PRMT5: variants seen among roughly 807,000 people sequenced by gnomAD.
The protein encoded by PRMT5 is protein arginine methyltransferase 5.
Under a neutral mutation model 84.0 loss-of-function variants are expected in PRMT5, and 15 were observed. The ratio of observed to expected loss-of-function variants is 0.18; its 90% CI spans 0.12 to 0.28. The LOEUF is 0.28. Among genes scored for constraint, PRMT5 ranks in the 10% least tolerant of loss-of-function variants. PRMT5 has a pLI of 1.00. For missense variants in PRMT5, 486 were observed against 808.0 expected (o/e 0.60, Z 4.83); for synonymous variants, 276 against 292.4 (o/e 0.94, Z 0.57).
intron 13 of PRMT5, 98 bp from the exon 14 acceptor site, chr14:22,922,933 C>T: frequency 7.2e-7 from 1 of 1,397,476 alleles, no homozygotes; most frequent in South Asian, 1.2e-5. Context: ...AGTGCTTCCC[C>T]AATCCCTAAC....
At position 22,922,553 on chromosome 14, in the gene PRMT5, A is replaced by G; in HGVS notation, c.1586T>C (p.Met529Thr). 1.9e-6 allele frequency: 3 copies of G among 1,612,088 alleles called. No individual in the cohort carries two copies. The highest frequency in any genetic ancestry group is 2.5e-6 in the Non-Finnish European group (3 of 1,178,132). ...GGTGCAATAGCGGTTGTTGTCAATC[A>G]TAGGATCTGTCAGGAAATAATTATG... is the stretch of plus-strand genomic sequence containing the variant. ...FTFSHPNRDP[M>T]IDNNRYCTLE... The change falls in exon 15 of 17, where the codon ATG (methionine) becomes ACG (threonine). Residue 529 changes from methionine to threonine, a missense_variant. By Grantham distance (81) the Met-to-Thr change is moderately conservative (BLOSUM62 -1). This residue lies in a region of PRMT5 where 219 missense variants were observed against 433.6 expected (regional missense o/e 0.51). Transcript: ENST00000324366.
chr14:22,926,331 C>A, intron 6 of PRMT5, 35 bp from the exon 7 acceptor site: 1 of 1,609,374 alleles, frequency 6.2e-7, no homozygotes, highest in Non-Finnish European at 8.5e-7. Context: ...TCAACCACTG[C>A]CAGGCAAGAA....
chr14:22,923,420 G>T lies in PRMT5; in HGVS notation c.1376-260C>A. 1 of 310,826 alleles carries T rather than the reference G, an allele frequency of 3.2e-6. No homozygotes were observed. 19.3% of individuals were successfully genotyped at this position (310,826 alleles called of 1,614,324 possible). On this transcript the variant is annotated intron_variant, in intron 12 of 16. Coordinates refer to ENST00000324366, the MANE Select transcript of PRMT5 (RefSeq NM_006109.5). This position sits in a 1 kb window ranked among gnomAD's most constrained non-coding sequence, Gnocchi z 5.2. ...AGAACCCAAGATAGTCTAATCTGGTGGTTCTTAACTTTTGTGGGGTCACAA... is the reference window on the plus strand; with the variant it reads ...AGAACCCAAGATAGTCTAATCTGGTTGTTCTTAACTTTTGTGGGGTCACAA...
rs1354141083 is a variant in PRMT5, at chr14:22,923,092, T to C, written c.1444A>G (p.Asn482Asp). 3.7e-6 allele frequency: 6 copies of C among 1,613,516 alleles called. No homozygotes were observed. The highest frequency in any genetic ancestry group is 2.2e-5 in the South Asian group (2 of 90,980). The change falls in exon 13 of 17, where the codon AAT (asparagine) becomes GAT (aspartate). Residue 482 changes from asparagine (N) to aspartate (D), a missense_variant. This residue lies in a region of PRMT5 where 219 missense variants were observed against 433.6 expected (regional missense o/e 0.51). Transcript: ENST00000324366. This position sits in a 1 kb window ranked among gnomAD's most constrained non-coding sequence, Gnocchi z 5.2. The part of the protein sequence containing the change: ...LAPISSSKLY[N>D]EVRACREKDR... ...TTCTCCCTACAGGCTCGGACCTCAT[T>C]GTACAGCTTGGAGGAAGAGATGGGA...
Position 22,927,277 on chromosome 14 carries a change from G to T in PRMT5, c.450+249C>A, listed in dbSNP as rs150519062. On this transcript the variant is annotated intron_variant, in intron 4 of 16. Transcript: ENST00000324366. Reference sequence around the variant, plus strand: ...ATTTGTGTTTTTTTGTTTTTGTTTTGGTTTTGGTTTTTTATACAGACAGGA... The same window carrying T: ...ATTTGTGTTTTTTTGTTTTTGTTTTTGTTTTGGTTTTTTATACAGACAGGA... 5.3e-5 allele frequency among the ~76,000 whole-genome samples: 8 copies of T among 151,498 alleles called. No homozygotes were observed. In the South Asian group the frequency reaches 1.3e-3, roughly 24 times the overall value.
rs749416572 is a variant in PRMT5, at chr14:22,926,540, C to T, written c.579G>A (p.Arg193=). The change falls in exon 6 of 17, where the codon CGG becomes CGA. Residue 193 remains arginine, a synonymous_variant. Coordinates refer to ENST00000324366, the MANE Select transcript of PRMT5 (RefSeq NM_006109.5). ...EKTWMWWHNF[R]TLCDYSKRIA... is the part of the protein sequence containing the mutation. The stretch of plus-strand genomic sequence containing the variant: ...TCCTCTTACTATAGTCACACAAAGT[C>T]CGGAAGTTGTGCCACCTGTTCAGTC... 8.1e-6 allele frequency: 13 copies of T among 1,614,152 alleles called. No individual in the cohort carries two copies. In the East Asian group the frequency reaches 2.9e-4, roughly 36 times the overall value.
Position 22,926,733 on chromosome 14 carries a change from CCT to C in PRMT5, c.530_531del (p.Glu177GlyfsTer20). The C allele has an allele frequency of 6.2e-7, 1 of 1,614,150 alleles. No individual in the cohort carries two copies. On this transcript the variant is annotated frameshift_variant, in exon 5 of 17. Coordinates refer to ENST00000324366, the MANE Select transcript of PRMT5 (RefSeq NM_006109.5). LOFTEE classifies it high-confidence loss of function. ...IIENAPTTHT[E>X]EYSGEEKTWM... ...CACGTTTTCTCCTCCCCACTGTACT[CCT>C]CTGTGTGTGTAGTTGGTGCATTCTC...
rs1468607876 is a variant in PRMT5 at position 22,928,654 on chromosome 14, A to G, written c.111-39T>C. On this transcript the variant is annotated intron_variant, in intron 1 of 16. Coordinates refer to ENST00000324366, the MANE Select transcript of PRMT5 (RefSeq NM_006109.5). The surrounding 1 kb of genome is among the most constrained non-coding windows in gnomAD (Gnocchi z 4.8). ...AGACCCAGAATCATGTAAAGACAGC[A>G]GCAGTGCCAGAGAGCCAAGCAACTG... The G allele has an allele frequency of 1.4e-6, 2 of 1,478,410 alleles. No individual in the cohort carries two copies. 91.6% of individuals were successfully genotyped at this position (1,478,410 alleles called of 1,614,324 possible). A position where few individuals can be genotyped will look rare whatever the true frequency, so the allele number is the denominator to read the frequency against.
intron 13 of PRMT5, 53 bp downstream of exon 13, chr14:22,922,998 A>G: frequency 6.8e-7 from 1 of 1,478,116 alleles, no homozygotes; most frequent in Non-Finnish European, 9.3e-7. Context: ...CAAATACAGA[A>G]AAAGAAGAGG....
chr14:22,925,033 A>G lies in PRMT5; in HGVS notation c.785T>C (p.Val262Ala). The G allele has an allele frequency of 6.2e-7, 1 of 1,613,610 alleles. No individual in the cohort carries two copies. Among genetic ancestry groups the G allele is most frequent in the South Asian group, 1.1e-5 (1 of 91,014 alleles). Residue 262 changes from valine (V) to alanine (A), a missense_variant, in exon 8 of 17, where the codon GTG (valine) becomes GCG (alanine). Physicochemically the swap from Val to Ala is moderately conservative, Grantham distance 64 (BLOSUM62 0). Around this residue, in one of 4 missense-constraint regions of PRMT5, gnomAD observed 215 missense variants for 301.1 expected, o/e 0.71. Transcript: ENST00000324366. ...GTTGGTGCCTGTGATGATGAACTGC[A>G]CCTCCAACTGTGAGAAAAGTCAGAC... Reference protein sequence around the residue: ...RLIFRLLKLEVQFIITGTNHH... With the variant: ...RLIFRLLKLEAQFIITGTNHH...
rs2044358796 is a variant in PRMT5, at chr14:22,923,865, GC to G, written c.1375+142del. 2.2e-5 allele frequency: 20 copies of G among 893,256 alleles called. No individual in the cohort carries two copies. Among genetic ancestry groups the G allele is most frequent in the Non-Finnish European group, 3.3e-5 (20 of 598,166 alleles). 55.3% of individuals were successfully genotyped at this position (893,256 alleles called of 1,614,324 possible). Reference sequence around the variant, plus strand: ...GGAGAGATGACTTCATTTGCTAGGGGCACAGAGGCAGTGAAGCAGTGGCTCT... The same window carrying G: ...GGAGAGATGACTTCATTTGCTAGGGGACAGAGGCAGTGAAGCAGTGGCTCT... On this transcript the variant is annotated intron_variant, in intron 12 of 16. Transcript: ENST00000324366. This position sits in a 1 kb window ranked among gnomAD's most constrained non-coding sequence, Gnocchi z 5.2.
intron 16 of PRMT5, 157 bp from the exon 17 acceptor site, chr14:22,921,213 TGTG>T: frequency 1.1e-6 from 1 of 900,384 alleles, no homozygotes; most frequent in African/African-American, 1.7e-5. Context: ...TAATCAAAGG[TGTG>T]GTGAGAGCTG....
At position 22,922,435 on chromosome 14, in the gene PRMT5, A is replaced by G. The variant is rs763452775; in HGVS notation, c.1696+8T>C. ...CATACTCTGCCATCTACTGCCATAG[A>G]CACTCACTCAGAGTGATGTCCTGAT... On this transcript the variant is annotated splice_region_variant and intron_variant, in intron 15 of 16. Coordinates refer to ENST00000324366, the MANE Select transcript of PRMT5 (RefSeq NM_006109.5). 7.5e-6 allele frequency: 12 copies of G among 1,596,154 alleles called. No homozygotes were observed. The highest frequency in any genetic ancestry group is 2.7e-5 in the African/African-American group (2 of 74,486).
At position 22,926,734 on chromosome 14, in the gene PRMT5, C is replaced by T. The variant is rs753910120; in HGVS notation, c.531G>A (p.Glu177=). The T allele has an allele frequency of 1.1e-5, 17 of 1,614,170 alleles. No individual in the cohort carries two copies. In the East Asian group the frequency reaches 3.3e-4, roughly 32 times the overall value. Reference sequence around the variant, plus strand: ...ACGTTTTCTCCTCCCCACTGTACTCCTCTGTGTGTGTAGTTGGTGCATTCT... The same window carrying T: ...ACGTTTTCTCCTCCCCACTGTACTCTTCTGTGTGTGTAGTTGGTGCATTCT... ...IIENAPTTHT[E]EYSGEEKTWM... The change falls in exon 5 of 17, where the codon GAG becomes GAA. Residue 177 remains glutamate (E), a synonymous_variant. Transcript: ENST00000324366.
intron 16 of PRMT5, 74 bp from the exon 17 acceptor site, chr14:22,921,130 G>A (rs2044285517): frequency 8.4e-6 from 13 of 1,553,066 alleles, no homozygotes; most frequent in Non-Finnish European, 1.1e-5. Context: ...GGTAGGTGTG[G>A]AGATAAAATG....
chr14:22,921,768 A>G (rs2044301983), intron 16 of PRMT5, among the ~76,000 whole-genome samples: 2 of 151,944 alleles, frequency 1.3e-5, no homozygotes, highest in Admixed American at 1.3e-4. Flanking sequence ...CTGTAATCTC[A>G]GCCTCAGGGA....
In PRMT5 at chr14:22,927,520, CT is replaced by C; in HGVS notation, c.450+5del. The C allele has an allele frequency of 6.2e-7, 1 of 1,613,938 alleles. No individual in the cohort carries two copies. The highest frequency in any genetic ancestry group is 8.5e-7 in the Non-Finnish European group (1 of 1,179,964). On this transcript the variant is annotated splice_donor_5th_base_variant and intron_variant, in intron 4 of 16. Transcript: ENST00000324366. ...ATGCAGCAGGAAAGGAGCCCCTCAGCTATACCATGGAAGAGTGATGGCCAGT... is the reference window on the plus strand; with the variant it reads ...ATGCAGCAGGAAAGGAGCCCCTCAGCATACCATGGAAGAGTGATGGCCAGT...
Position 22,926,143 on chromosome 14 carries a change from C to T in PRMT5, c.767G>A (p.Arg256Gln), listed in dbSNP as rs776894322. 1.7e-5 allele frequency: 28 copies of T among 1,610,624 alleles called. No individual in the cohort carries two copies. The Admixed American group carries it at 2.7e-4, about 15-fold the overall frequency. Reference sequence around the variant, plus strand: ...CCTCCTACCACTCACCTTGAGGAGCCGGAAGATGAGCCTCTGGTGCATCTT... The same window carrying T: ...CCTCCTACCACTCACCTTGAGGAGCTGGAAGATGAGCCTCTGGTGCATCTT... ...LSKMHQRLIF[R>Q]LLKLEVQFII... is the part of the protein sequence containing the mutation. The change falls in exon 7 of 17, where the codon CGG (arginine) becomes CAG (glutamine). Residue 256 changes from arginine (R) to glutamine (Q), a missense_variant. By Grantham distance (43) the Arg-to-Gln change is conservative (BLOSUM62 1). Coordinates refer to ENST00000324366, the MANE Select transcript of PRMT5 (RefSeq NM_006109.5).
At position 22,925,774 on chromosome 14, in the gene PRMT5, G is replaced by A. The variant is rs143302881; in HGVS notation, c.777+359C>T. On this transcript the variant is annotated intron_variant, in intron 7 of 16. Transcript: ENST00000324366. ...GGCAGAGGTTCTGGTGAGCTGAGAT[G>A]GTATGGCTGCACTCCAGTCTGGGTA... is the stretch of plus-strand genomic sequence containing the variant. 2.6e-5 allele frequency among the ~76,000 whole-genome samples: 4 copies of A among 151,904 alleles called. No homozygotes were observed. The East Asian group carries it at 7.8e-4, about 30-fold the overall frequency.
Sources: gnomAD v4.1 joint callset for allele counts (sites outside exome capture counted in the v4.1 genomes callset) on GRCh38, gnomAD v4.1.1 for gene constraint, gnomAD v4.1.1 regional missense constraint, Gnocchi (gnomAD v3.1) non-coding constraint, MANE v1.5 for transcripts, NCBI Gene and HGNC (gene_info 2026-07-23, HGNC 2026-07-21) for gene names.